The following NIPBL variants were observed in gnomAD, a reference collection of about 807,000 sequenced individuals.
NIPBL encodes NIPBL cohesin loading factor.
Under a neutral mutation model 321.8 loss-of-function variants are expected in NIPBL, and 19 were observed. The observed-to-expected ratio is 0.06, with a 90% confidence interval of 0.04 to 0.09. The LOEUF is 0.09. Among genes scored for constraint, NIPBL ranks in the 10% least tolerant of loss-of-function variants. NIPBL has a pLI of 1.00. For synonymous variants in NIPBL, 1,106 were observed against 1,114.1 expected (o/e 0.99, Z 0.14); for missense variants, 2,210 against 3,327.0 (o/e 0.66, Z 8.26).
chr5:37,017,373 T>C (rs574837538), intron 24 of NIPBL, among the ~76,000 whole-genome samples: 5 of 152,268 alleles, frequency 3.3e-5, no homozygotes, highest in Admixed American at 2.0e-4. Context: ...ATATAAATCA[T>C]TTACTTTCTT....
In NIPBL at chr5:36,986,037, T is replaced by C; in HGVS notation, c.2857T>C (p.Leu953=). ...TTTGTTGGGGGGCAGGTCTGGTGCG[T>C]TGAAAAATTTTGTCATTCCGAAAAT... The part of the protein sequence containing the change: ...SYLLGGRSGA[L]KNFVIPKIKR... The change falls in exon 10 of 47, where the codon TTG becomes CTG. Residue 953 remains leucine (L), a synonymous_variant. Coordinates refer to ENST00000282516, the MANE Select transcript of NIPBL (RefSeq NM_133433.4). 1.2e-6 allele frequency: 2 copies of C among 1,613,968 alleles called. No homozygotes were observed. The highest frequency in any genetic ancestry group is 1.7e-6 in the Non-Finnish European group (2 of 1,179,942).
At position 37,007,626 on chromosome 5, in the gene NIPBL, C is replaced by G. The variant is rs41270323; in HGVS notation, c.4239+152C>G. 0.099 allele frequency: 59,025 copies of G among 595,792 alleles called. 3,655 individuals are homozygous for G. Among genetic ancestry groups the G allele is most frequent in the Middle Eastern group, 0.14 (306 of 2,204 alleles). The allele number at this position is 595,792 out of a possible 1,614,324, so 36.9% of individuals were successfully genotyped here. A position where few individuals can be genotyped will look rare whatever the true frequency, so the allele number is the denominator to read the frequency against. On this transcript the variant is annotated intron_variant, in intron 18 of 46. Transcript: ENST00000282516. ...TATCTAAATCGAAGAAATAAAACTT[C>G]AGGAGTTTTAAAAAGACATTTTATC...
At chr5:36,991,744 A>G (rs1379271592) in intron 10 of NIPBL, among the ~76,000 whole-genome samples, 4 of 140,718 alleles carry the variant, frequency 2.8e-5, no homozygotes, top group South Asian at 2.3e-4. Flanking sequence ...TGCCTGCCCA[A>G]GTTTTTTTTT....
intron 1 of NIPBL, among the ~76,000 whole-genome samples, chr5:36,877,949 A>G (rs1745219925): frequency 6.6e-6 from 1 of 152,206 alleles, no homozygotes; most frequent in Admixed American, 6.5e-5. Flanking sequence ...TTCAAAGACA[A>G]GTATAAAGTA....
intron 10 of NIPBL, among the ~76,000 whole-genome samples, chr5:36,989,327 G>A (rs1745200543): frequency 6.6e-6 from 1 of 151,974 alleles, no homozygotes; most frequent in Non-Finnish European, 1.5e-5. Flanking sequence ...TTCTTATCCT[G>A]CATTGTTAAC....
chr5:36,981,147 T>C (rs1744088660), intron 9 of NIPBL, among the ~76,000 whole-genome samples: 2 of 151,690 alleles, frequency 1.3e-5, no homozygotes, highest in African/African-American at 4.8e-5. Context: ...TTACTACTGG[T>C]GATATGGAGC....
chr5:36,990,276 C>G (rs937969519), intron 10 of NIPBL, among the ~76,000 whole-genome samples: 1 of 152,212 alleles, frequency 6.6e-6, no homozygotes, highest in Non-Finnish European at 1.5e-5. Context: ...TCTACTGTTA[C>G]AGTTACACTA....
rs780388411 is a variant in NIPBL, at chr5:37,058,968, A to T, written c.7488A>T (p.Glu2496Asp). 5.9e-5 allele frequency: 95 copies of T among 1,614,116 alleles called. No individual in the cohort carries two copies. The highest frequency in any genetic ancestry group is 7.1e-5 in the Non-Finnish European group (84 of 1,180,040). The part of the protein sequence containing the change: ...KENESSDSEE[E>D]VSRPRKSRKR... ...ATGAGTCAAGCGACAGTGAAGAAGA[A>T]GTTTCCAGGCCTCGGAAGTCACGGA... Residue 2496 changes from glutamate to aspartate, a missense_variant, in exon 44 of 47, where the codon GAA becomes GAT. Transcript: ENST00000282516.
intron 1 of NIPBL, among the ~76,000 whole-genome samples, chr5:36,929,160 G>A (rs867588480): frequency 2.0e-5 from 3 of 152,076 alleles, no homozygotes; most frequent in Non-Finnish European, 4.4e-5. Context: ...TTCACCAACA[G>A]TTAATAGTGT....
intron 42 of NIPBL, among the ~76,000 whole-genome samples, chr5:37,053,523 A>G (rs959435986): frequency 1.3e-5 from 2 of 152,238 alleles, no homozygotes; most frequent in Non-Finnish European, 2.9e-5. Context: ...ATACTGTAAT[A>G]AAAGTTATGT....
At chr5:36,879,342 T>C (rs946829006) in intron 1 of NIPBL, among the ~76,000 whole-genome samples, 1 of 152,232 alleles carries the variant, frequency 6.6e-6, no homozygotes, top group Non-Finnish European at 1.5e-5. Context: ...TCTTCCCAAC[T>C]TATTTTCCCA....
At chr5:36,927,660 A>C (rs1452459876) in intron 1 of NIPBL, among the ~76,000 whole-genome samples, 1 of 152,338 alleles carries the variant, frequency 6.6e-6, no homozygotes, top group South Asian at 2.1e-4. Flanking sequence ...AATTAGGAGT[A>C]TTGTAGAAGA....
chr5:37,040,869 G>A (rs940963098), intron 34 of NIPBL, among the ~76,000 whole-genome samples: 2 of 152,182 alleles, frequency 1.3e-5, no homozygotes, highest in African/African-American at 4.8e-5. Flanking sequence ...AGTCTAACAG[G>A]TGGTAAGGAA....
chr5:36,882,801 T>A (rs1745604097), intron 1 of NIPBL, among the ~76,000 whole-genome samples: 1 of 151,928 alleles, frequency 6.6e-6, no homozygotes, highest in Non-Finnish European at 1.5e-5. Flanking sequence ...GTGACACTGT[T>A]TTTCTTGTGG....
At chr5:36,892,080 G>T (rs1746373058) in intron 1 of NIPBL, among the ~76,000 whole-genome samples, 1 of 152,176 alleles carries the variant, frequency 6.6e-6, no homozygotes, top group Non-Finnish European at 1.5e-5. Flanking sequence ...GAAAAATTTA[G>T]TGGCTTGGTC....
At chr5:36,972,846 A>G (rs894696338) in intron 8 of NIPBL, among the ~76,000 whole-genome samples, 12 of 152,074 alleles carry the variant, frequency 7.9e-5, no homozygotes, top group African/African-American at 2.7e-4. Flanking sequence ...GTCTACTTTT[A>G]TCTCTGCCTT....
In NIPBL at chr5:36,970,335, A is replaced by G. The variant is rs1008187156; in HGVS notation, c.611-541A>G. 7.6e-4 allele frequency among the ~76,000 whole-genome samples: 116 copies of G among 151,766 alleles called. 2 individuals are homozygous for G. The highest frequency in any genetic ancestry group is 2.7e-4 in the Non-Finnish European group (18 of 67,900). On this transcript the variant is annotated intron_variant, in intron 6 of 46. Transcript: ENST00000282516. ...CAGGAGTTTGAGGTTACAGTGAGCT[A>G]TGATCATGCCAGTGAACTCCAGTCT...
intron 27 of NIPBL, 144 bp from the exon 28 acceptor site, chr5:37,021,907 A>T: frequency 1.4e-6 from 1 of 697,728 alleles, no homozygotes; most frequent in Non-Finnish European, 2.5e-6. Flanking sequence ...ACTTTGAATC[A>T]TTAGGAAAGA....
chr5:36,979,845 G>T (rs907255332), intron 9 of NIPBL, among the ~76,000 whole-genome samples: 2 of 151,636 alleles, frequency 1.3e-5, no homozygotes, highest in Non-Finnish European at 3.0e-5. Context: ...AGCCAGTTTT[G>T]CAGGAAACAT....
Sources: gnomAD v4.1 joint callset for allele counts (sites outside exome capture counted in the v4.1 genomes callset) on GRCh38, gnomAD v4.1.1 for gene constraint, MANE v1.5 for transcripts, NCBI Gene and HGNC (gene_info 2026-07-23, HGNC 2026-07-21) for gene names.